MRM2: variants seen among roughly 807,000 people sequenced by gnomAD.
The protein encoded by MRM2 is mitochondrial rRNA methyltransferase 2.
In MRM2, 15 loss-of-function variants were observed where a neutral mutation model predicts 10.9. The observed-to-expected ratio is 1.37, with a 90% CI of 0.92 to 2.11. The LOEUF is 2.11. Among genes scored for constraint, MRM2 ranks in the 30% most tolerant of loss-of-function variants. The pLI, the probability that MRM2 is intolerant of heterozygous loss-of-function variation, is 0.00. For missense variants in MRM2, 328 were observed against 321.3 expected (o/e 1.02, Z -0.16); for synonymous variants, 139 against 128.7 (o/e 1.08, Z -0.54).
rs755387430 is a variant in MRM2, at chr7:2,235,338, C to G, written c.525G>C (p.Leu175=). 1.2e-6 allele frequency: 2 copies of G among 1,614,088 alleles called. No homozygotes were observed. Among genetic ancestry groups the G allele is most frequent in the Non-Finnish European group, 8.5e-7 (1 of 1,179,998 alleles). Residue 175 remains leucine, a synonymous_variant, in exon 3 of 3, where the codon CTG becomes CTC. Coordinates refer to ENST00000242257, the MANE Select transcript of MRM2 (RefSeq NM_013393.3). The stretch of plus-strand genomic sequence containing the variant: ...TGTCTGGGGTCACGCTGAGAAGGGT[C>G]AGGCACAGGCTGATGAGCCTGTCAT... ...LDHDRLISLC[L]TLLSVTPDIL...
rs751283850 is a variant in MRM2 at position 2,235,320 on chromosome 7, G to T, written c.543C>A (p.Thr181=). ...TCCCCCCAGGTTGCAGGATGTCTGG[G>T]GTCACGCTGAGAAGGGTCAGGCACA... ...ISLCLTLLSV[T]PDILQPGGTF... is the part of the protein sequence containing the mutation. Residue 181 remains threonine (T), a synonymous_variant, in exon 3 of 3, where the codon ACC becomes ACA. Transcript: ENST00000242257. 1.2e-4 allele frequency: 190 copies of T among 1,614,012 alleles called. No homozygotes were observed. Among genetic ancestry groups the T allele is most frequent in the Admixed American group, 2.5e-4 (15 of 60,000 alleles).
rs761381890 is a variant in MRM2 at position 2,242,166 on chromosome 7, C to T, written c.4G>A (p.Ala2Thr). The T allele has an allele frequency of 1.3e-5, 21 of 1,589,240 alleles. No homozygotes were observed. The East Asian group carries it at 4.6e-4, about 35-fold the overall frequency. M[A>T]GYLKLVCVSF... ...CAGCAGCAGCGCCCAGCTCACCCCG[C>T]CATTGGTGTTCCCCGCGCCTGCAGC... Residue 2 changes from alanine to threonine, a missense_variant, in exon 1 of 3, where the codon GCG becomes ACG. Ala to Thr is a moderately conservative substitution (Grantham distance 58, BLOSUM62 0). Coordinates refer to ENST00000242257, the MANE Select transcript of MRM2 (RefSeq NM_013393.3).
chr7:2,239,211 A>G (rs1346790078), intron 2 of MRM2: 1 of 788,624 alleles, frequency 1.3e-6, no homozygotes, highest in African/African-American at 1.7e-5. Context: ...GGTGATTTCC[A>G]TGTTCACTGC....
rs1399254389 is a variant in MRM2 at position 2,241,980 on chromosome 7, G to A, written c.8+182C>T. 14 of 602,454 alleles carry A rather than the reference G, an allele frequency of 2.3e-5. No individual in the cohort carries two copies. The South Asian group carries it at 2.8e-4, about 12-fold the overall frequency. 37.3% of individuals were successfully genotyped at this position (602,454 alleles called of 1,614,324 possible). A position where few individuals can be genotyped will look rare whatever the true frequency, so the allele number is the denominator to read the frequency against. On this transcript the variant is annotated intron_variant, in intron 1 of 2. Coordinates refer to ENST00000242257, the MANE Select transcript of MRM2 (RefSeq NM_013393.3). ...CCGGCCCTGCCCCTGGAGACCTGAGGGCGCCCTCCTCCCGGGGAACTGCGA... is the reference window on the plus strand; with the variant it reads ...CCGGCCCTGCCCCTGGAGACCTGAGAGCGCCCTCCTCCCGGGGAACTGCGA...
At position 2,239,710 on chromosome 7, in the gene MRM2, G is replaced by C. The variant is rs371324159; in HGVS notation, c.9-3C>G. Reference sequence around the variant, plus strand: ...AAACACACACCAGCTTCAAGTACCTGGTGGGAGAGAAGAGGAGCAGGCAGG... The same window carrying C: ...AAACACACACCAGCTTCAAGTACCTCGTGGGAGAGAAGAGGAGCAGGCAGG... On this transcript the variant is annotated splice_region_variant and splice_polypyrimidine_tract_variant and intron_variant, in intron 1 of 2. Transcript: ENST00000242257. 1 of 1,609,230 alleles carries C rather than the reference G, an allele frequency of 6.2e-7. No individual in the cohort carries two copies. The highest frequency in any genetic ancestry group is 1.1e-5 in the South Asian group (1 of 90,972).
chr7:2,239,274 T>C, intron 2 of MRM2, 144 bp downstream of exon 2: 1 of 851,658 alleles, frequency 1.2e-6, no homozygotes, highest in Non-Finnish European at 2.1e-6. Context: ...ATTTTTATCA[T>C]CACCATTGCT....
At position 2,235,663 on chromosome 7, in the gene MRM2, C is replaced by A; in HGVS notation, c.299-99G>T. 5.9e-6 allele frequency: 5 copies of A among 851,062 alleles called. No individual in the cohort carries two copies. In the South Asian group the frequency reaches 8.7e-5, roughly 15 times the overall value. The allele number at this position is 851,062 out of a possible 1,614,324, so 52.7% of individuals were successfully genotyped here. Reference sequence around the variant, plus strand: ...AAGTGATGAAATAAAAATAAAATGTCAAGACCAAGGCAAAGAGCTAATGTG... The same window carrying A: ...AAGTGATGAAATAAAAATAAAATGTAAAGACCAAGGCAAAGAGCTAATGTG... On this transcript the variant is annotated intron_variant, in intron 2 of 2. Transcript: ENST00000242257.
chr7:2,239,553 G>C lies in MRM2; in HGVS notation c.163C>G (p.Arg55Gly). 6.2e-7 allele frequency: 1 copy of C among 1,613,998 alleles called. No individual in the cohort carries two copies. Among genetic ancestry groups the C allele is most frequent in the South Asian group, 1.1e-5 (1 of 91,072 alleles). Reference sequence around the variant, plus strand: ...ACCTCCAGGAGCTTGAAGGCGCTTCGACACCGGTAACTCTCCACCTTCGCA... The same window carrying C: ...ACCTCCAGGAGCTTGAAGGCGCTTCCACACCGGTAACTCTCCACCTTCGCA... ...KAAKVESYRC[R>G]SAFKLLEVNE... Residue 55 changes from arginine (R) to glycine (G), a missense_variant, in exon 2 of 3, where the codon CGA (arginine) becomes GGA (glycine). Arg to Gly is a moderately radical substitution (Grantham distance 125). Transcript: ENST00000242257.
chr7:2,239,121 TGA>T, intron 2 of MRM2: 1 of 769,088 alleles, frequency 1.3e-6, no homozygotes, highest in Admixed American at 1.7e-5. Flanking sequence ...TTTGAAAATG[TGA>T]GGGATCTATG....
intron 1 of MRM2, among the ~76,000 whole-genome samples, chr7:2,240,957 A>C (rs1329740841): frequency 1.3e-5 from 2 of 151,724 alleles, no homozygotes; most frequent in Admixed American, 6.6e-5. Context: ...TGGCCTCCCA[A>C]AGTGCTGGGA....
intron 2 of MRM2, among the ~76,000 whole-genome samples, chr7:2,237,257 C>T (rs565675808): frequency 6.6e-6 from 1 of 152,344 alleles, no homozygotes; most frequent in African/African-American, 2.4e-5. Context: ...CTTGGCCTCC[C>T]AAAGTACTGG....
At chr7:2,237,017 T>G (rs1257366648) in intron 2 of MRM2, among the ~76,000 whole-genome samples, 1 of 146,300 alleles carries the variant, frequency 6.8e-6, no homozygotes, top group Non-Finnish European at 1.5e-5. Context: ...CAAGTTATCT[T>G]TGTGTGTCTT....
Position 2,234,518 on chromosome 7 carries a change from T to C in MRM2, c.*604A>G, listed in dbSNP as rs573170283. The C allele has an allele frequency of 6.6e-6, 1 of 152,580 alleles. No homozygotes were observed. Among genetic ancestry groups the C allele is most frequent in the South Asian group, 2.1e-4 (1 of 4,834 alleles). The allele number at this position is 152,580 out of a possible 1,614,324, so 9.5% of individuals were successfully genotyped here. ...TCAGATTTTTCTTTTGGTTTGCTTT[T>C]TGGTTTTTCATTTTTGTAGACATGG... On this transcript the variant is annotated 3_prime_UTR_variant, in exon 3 of 3. Transcript: ENST00000242257.
In MRM2 at chr7:2,235,035, A is replaced by T. The variant is rs1317570589; in HGVS notation, c.*87T>A. The T allele has an allele frequency of 1.9e-6, 2 of 1,033,458 alleles. No homozygotes were observed. Among genetic ancestry groups the T allele is most frequent in the Admixed American group, 2.1e-5 (1 of 47,152 alleles). The allele number at this position is 1,033,458 out of a possible 1,614,324, so 64.0% of individuals were successfully genotyped here. ...CTGCTCCATCTCCAAAATCAGCTCA[A>T]ATCTCCCAGGAACTCTTCAGGAGCT... On this transcript the variant is annotated 3_prime_UTR_variant, in exon 3 of 3. Transcript: ENST00000242257.
rs749671512 is a variant in MRM2, at chr7:2,235,256, G to A, written c.607C>T (p.Arg203Trp). 6.8e-6 allele frequency: 11 copies of A among 1,614,006 alleles called. No individual in the cohort carries two copies. Among genetic ancestry groups the A allele is most frequent in the Admixed American group, 6.7e-5 (4 of 60,010 alleles). The stretch of plus-strand genomic sequence containing the variant: ...TCCTCTGTCAGTCTCCTCTGTAACC[G>A]ACGGCTTTGACTTCCAGCCCAGGTT... ...CKTWAGSQSRRLQRRLTEEFQ... is the reference protein window; with the variant it reads ...CKTWAGSQSRWLQRRLTEEFQ... Residue 203 changes from arginine (R) to tryptophan (W), a missense_variant, in exon 3 of 3, where the codon CGG becomes TGG. Transcript: ENST00000242257.
At chr7:2,239,023 ATAT>A (rs1457600016) in intron 2 of MRM2, 947 of 18,974 alleles carry the variant, frequency 0.05, 56 homozygotes, top group Non-Finnish European at 0.062. Context: ...ATATATATAT[ATAT>A]ATAATACATA....
intron 2 of MRM2, 78 bp from the exon 3 acceptor site, chr7:2,235,642 G>GTTGC: frequency 9.9e-7 from 1 of 1,008,446 alleles, no homozygotes; most frequent in African/African-American, 1.6e-5. Flanking sequence ...GCAACAAAGT[G>GTTGC]ATGAAATAAA....
chr7:2,239,350 G>A (rs1327004266), intron 2 of MRM2, 68 bp downstream of exon 2: 1 of 1,499,308 alleles, frequency 6.7e-7, no homozygotes, highest in African/African-American at 1.4e-5. Flanking sequence ...CACTGGCAAA[G>A]GCAGCTTGCC....
In MRM2 at chr7:2,239,467, A is replaced by G. The variant is rs759702334; in HGVS notation, c.249T>C (p.Pro83=). 2 of 1,613,614 alleles carry G rather than the reference A, an allele frequency of 1.2e-6. No homozygotes were observed. Among genetic ancestry groups the G allele is most frequent in the South Asian group, 2.2e-5 (2 of 91,072 alleles). Residue 83 remains proline, a synonymous_variant, in exon 2 of 3, where the codon CCT becomes CCC. Coordinates refer to ENST00000242257, the MANE Select transcript of MRM2 (RefSeq NM_013393.3). The part of the protein sequence containing the change: ...GLRVLDCGAA[P]GAWSQVAVQK... ...GCACCGCCACCTGACTCCAGGCCCC[A>G]GGAGCTGCCCCACAGTCTAACACCC...
Sources: allele counts gnomAD v4.1 joint callset (sites outside exome capture counted in the v4.1 genomes callset), GRCh38; gene constraint gnomAD v4.1.1; transcripts MANE v1.5; gene names NCBI Gene and HGNC (gene_info 2026-07-23, HGNC 2026-07-21).